The following TNNI3K variants were observed in gnomAD, a reference collection of about 807,000 sequenced individuals.
TNNI3K encodes serine/threonine-protein kinase TNNI3K.
TNNI3K carries 140 observed loss-of-function variants against 114.5 expected under a neutral mutation model. That is an observed-to-expected ratio of 1.22 (90% CI 1.07 to 1.41). The LOEUF is 1.41. Among genes scored for constraint, TNNI3K ranks in the 40% most tolerant of loss-of-function variants. The pLI is 0.00. For missense variants in TNNI3K, 1,125 were observed against 1,007.6 expected (o/e 1.12, Z -1.58); for synonymous variants, 347 against 347.5 (o/e 1.00, Z 0.02).
intron 17 of TNNI3K, among the ~76,000 whole-genome samples, chr1:74,406,624 A>G (rs1664627851): frequency 1.3e-5 from 2 of 152,190 alleles, no homozygotes; most frequent in Non-Finnish European, 2.9e-5. Context: ...TTTCACAATA[A>G]TCTCCTTATT....
intron 23 of TNNI3K, among the ~76,000 whole-genome samples, chr1:74,508,487 G>A (rs1458930908): frequency 3.3e-5 from 5 of 152,114 alleles, no homozygotes; most frequent in Non-Finnish European, 7.3e-5. Flanking sequence ...ACTTAAACCT[G>A]GCCAGAGTAG....
intron 21 of TNNI3K, among the ~76,000 whole-genome samples, chr1:74,478,954 G>C (rs1036131249): frequency 6.6e-6 from 1 of 152,174 alleles, no homozygotes; most frequent in Admixed American, 6.5e-5. Context: ...CCTTCCAAGT[G>C]AGTTGGATTA....
At chr1:74,324,854 C>T (rs1239928691) in intron 5 of TNNI3K, among the ~76,000 whole-genome samples, 1 of 152,106 alleles carries the variant, frequency 6.6e-6, no homozygotes, top group Non-Finnish European at 1.5e-5. Context: ...TGAGAGGGAT[C>T]ACTGCTGCTT....
chr1:74,260,755 G>T (rs1655614568), intron 4 of TNNI3K, among the ~76,000 whole-genome samples: 1 of 151,990 alleles, frequency 6.6e-6, no homozygotes, highest in East Asian at 1.9e-4. Context: ...ATGAGAAAAG[G>T]TAATCCTAAC....
At chr1:74,399,064 G>C (rs529597047) in intron 17 of TNNI3K, among the ~76,000 whole-genome samples, 144 of 150,616 alleles carry the variant, frequency 9.6e-4, no homozygotes, top group Admixed American at 2.5e-3. Context: ...TCTTAGGCAG[G>C]AGAATCGCTT....
At chr1:74,501,378 A>G (rs149145018) in intron 23 of TNNI3K, among the ~76,000 whole-genome samples, 1 of 152,278 alleles carries the variant, frequency 6.6e-6, no homozygotes, top group African/African-American at 2.4e-5. Context: ...CCTGCTCCAT[A>G]CTTTTCTTCT....
chr1:74,353,169 C>T (rs1235878832), intron 9 of TNNI3K, 97 bp from the exon 10 acceptor site: 4 of 1,259,686 alleles, frequency 3.2e-6, no homozygotes, highest in South Asian at 1.5e-5. Context: ...GGGGTTATAA[C>T]TTCAGCATAT....
chr1:74,236,152 T>C lies in TNNI3K; in HGVS notation c.91T>C (p.Leu31=). The C allele has an allele frequency of 6.2e-7, 1 of 1,608,478 alleles. No homozygotes were observed. The highest frequency in any genetic ancestry group is 8.5e-7 in the Non-Finnish European group (1 of 1,176,168). Residue 31 remains leucine (L), a synonymous_variant, in exon 2 of 25, where the codon TTA becomes CTA. Coordinates refer to ENST00000326637, the MANE Select transcript of TNNI3K (RefSeq NM_015978.3). ...SESYVITIER[L]EDDLQIKEKE... ...ATCATATGTTATCACAATAGAAAGA[T>C]TAGAAGATGACCTGCAGATCAAGGA...
At chr1:74,332,837 A>C (rs1660276091) in intron 6 of TNNI3K, among the ~76,000 whole-genome samples, 2 of 152,070 alleles carry the variant, frequency 1.3e-5, no homozygotes, top group Non-Finnish European at 2.9e-5. Context: ...ATTCAAGGCA[A>C]CATTTTCTAA....
intron 17 of TNNI3K, among the ~76,000 whole-genome samples, chr1:74,435,554 A>C (rs1354921850): frequency 1.3e-5 from 2 of 152,060 alleles, no homozygotes; most frequent in African/African-American, 4.8e-5. Flanking sequence ...TTTAGTTGGC[A>C]TCATTTCACA....
intron 22 of TNNI3K, among the ~76,000 whole-genome samples, chr1:74,489,980 T>C (rs1417624706): frequency 1.6e-5 from 2 of 126,728 alleles, no homozygotes; most frequent in Non-Finnish European, 3.1e-5. Flanking sequence ...TAGAGAGAAA[T>C]AGCATCAACC....
intron 17 of TNNI3K, among the ~76,000 whole-genome samples, chr1:74,410,246 T>A (rs1417025689): frequency 6.6e-6 from 1 of 152,168 alleles, no homozygotes; most frequent in Non-Finnish European, 1.5e-5. Context: ...CCATTTTAAA[T>A]TTTAAAATTA....
At chr1:74,346,226 C>A (rs45449600) in intron 9 of TNNI3K, 12,720 of 152,178 alleles carry the variant, frequency 0.084, 552 homozygotes, top group Non-Finnish European at 0.1. Flanking sequence ...GAGTCCACAG[C>A]TAATTCTCCT....
intron 20 of TNNI3K, among the ~76,000 whole-genome samples, chr1:74,445,832 G>C (rs568303499): frequency 4.9e-4 from 74 of 151,814 alleles, no homozygotes; most frequent in African/African-American, 1.6e-3. Flanking sequence ...GGATGGTCTC[G>C]ATCTCCTGAC....
intron 17 of TNNI3K, among the ~76,000 whole-genome samples, chr1:74,433,304 G>C (rs1665977639): frequency 6.6e-6 from 1 of 151,908 alleles, no homozygotes; most frequent in African/African-American, 2.4e-5. Flanking sequence ...TTTGACTCTG[G>C]GTGTGATGCC....
intron 17 of TNNI3K, among the ~76,000 whole-genome samples, chr1:74,387,393 A>G (rs948186518): frequency 8.5e-5 from 13 of 152,190 alleles, no homozygotes; most frequent in Admixed American, 7.2e-4. Flanking sequence ...TTTTGGTCAA[A>G]TGTTTGTATA....
chr1:74,284,350 A>G (rs566367854), intron 5 of TNNI3K, among the ~76,000 whole-genome samples: 1 of 152,262 alleles, frequency 6.6e-6, no homozygotes, highest in East Asian at 1.9e-4. Context: ...TAAAGCCCCC[A>G]TAACTGACTC....
At chr1:74,522,098 G>A (rs536311731) in intron 23 of TNNI3K, among the ~76,000 whole-genome samples, 7 of 152,020 alleles carry the variant, frequency 4.6e-5, no homozygotes, top group African/African-American at 1.2e-4. Context: ...ATGCTGATTC[G>A]CTGGCCAGGG....
intron 5 of TNNI3K, among the ~76,000 whole-genome samples, chr1:74,281,751 A>G (rs1359642387): frequency 6.6e-6 from 1 of 152,174 alleles, no homozygotes. Context: ...CATATTAAAA[A>G]TCAAGAAACA....
Sources: gnomAD v4.1 joint callset for allele counts (sites outside exome capture counted in the v4.1 genomes callset) on GRCh38, gnomAD v4.1.1 for gene constraint, MANE v1.5 for transcripts, NCBI Gene and HGNC (gene_info 2026-07-23, HGNC 2026-07-21) for gene names.